TVP23C: variants seen among roughly 807,000 people sequenced by gnomAD.
TVP23C encodes the protein Golgi apparatus membrane protein TVP23 homolog C.
TVP23C carries 19 observed loss-of-function variants against 28.7 expected under a neutral mutation model. The ratio of observed to expected loss-of-function variants is 0.66; its 90% CI spans 0.46 to 0.97. The LOEUF (loss-of-function observed/expected upper bound fraction) is 0.97, where lower values mean the gene tolerates loss of function less well. Among genes scored for constraint, TVP23C ranks in the 50% least tolerant of loss-of-function variants. TVP23C has a pLI of 0.00. For synonymous variants in TVP23C, 68 were observed against 81.7 expected (o/e 0.83, Z 0.90); for missense variants, 186 against 241.3 (o/e 0.77, Z 1.52).
intron 5 of TVP23C, among the ~76,000 whole-genome samples, chr17:15,529,390 C>G (rs1196529532): frequency 6.6e-6 from 1 of 151,574 alleles, no homozygotes; most frequent in African/African-American, 2.4e-5. Context: ...AGCTGGGGGT[C>G]GCAGTGAGCC....
rs1238190906 is a variant in TVP23C at position 15,540,499 on chromosome 17, C to G, written c.525G>C (p.Lys175Asn). Residue 175 changes from lysine (K) to asparagine (N), a missense_variant, in exon 6 of 6, where the codon AAG becomes AAC. Around this residue, in one of 3 missense-constraint regions of TVP23C, gnomAD observed 74 missense variants for 96.0 expected, o/e 0.77. Coordinates refer to ENST00000518321, the MANE Select transcript of TVP23C (RefSeq NM_001135036.2). ...TGGTTAAATGCTTTCTGCTGCGCACCTTACACCTGATGTAACCATACAGGT... is the reference window on the plus strand; with the variant it reads ...TGGTTAAATGCTTTCTGCTGCGCACGTTACACCTGATGTAACCATACAGGT... ...GANLYGYIRCKVRSRKHLTSM... is the reference protein window; with the variant it reads ...GANLYGYIRCNVRSRKHLTSM... 1.6e-5 allele frequency: 26 copies of G among 1,612,756 alleles called. No individual in the cohort carries two copies. The highest frequency in any genetic ancestry group is 2.1e-5 in the Non-Finnish European group (25 of 1,179,642).
In TVP23C at chr17:15,538,526, T is replaced by A. The variant is rs977049241; in HGVS notation, c.*1886A>T. 2 of 856,120 alleles carry A rather than the reference T, an allele frequency of 2.3e-6. No individual in the cohort carries two copies. Among genetic ancestry groups the A allele is most frequent in the Admixed American group, 1.2e-4 (2 of 16,068 alleles). The allele number at this position is 856,120 out of a possible 1,614,324, so 53.0% of individuals were successfully genotyped here. ...AATAGTATGAACCCGGGAGGTGGAG[T>A]TTGCAGTGAGCCGAGATCGCGCCAC... On this transcript the variant is annotated 3_prime_UTR_variant, in exon 6 of 6. Transcript: ENST00000518321.
intron 5 of TVP23C, chr17:15,507,166 C>A: frequency 2.6e-6 from 2 of 762,388 alleles, no homozygotes; most frequent in Non-Finnish European, 4.7e-6. Context: ...ATGGCAAATG[C>A]AGGACCCGAT....
At chr17:15,561,214 A>G (rs1226332138) in intron 1 of TVP23C, among the ~76,000 whole-genome samples, 2 of 152,336 alleles carry the variant, frequency 1.3e-5, no homozygotes, top group South Asian at 2.1e-4. Flanking sequence ...ATAGTTGCCT[A>G]AGGCGAGAGG....
chr17:15,533,844 A>C (rs1005011631), downstream of TVP23C, among the ~76,000 whole-genome samples: 24 of 152,208 alleles, frequency 1.6e-4, no homozygotes, highest in African/African-American at 5.3e-4. Flanking sequence ...TGAAATTTTT[A>C]ATCTAGGAGG....
At chr17:15,513,355 T>A (rs1308691332) in intron 5 of TVP23C, among the ~76,000 whole-genome samples, 1 of 152,230 alleles carries the variant, frequency 6.6e-6, no homozygotes, top group African/African-American at 2.4e-5. Context: ...TAAACTAGGC[T>A]TTAAAAAACT....
intron 5 of TVP23C, 75 bp from the exon 6 acceptor site, chr17:15,540,636 G>A: frequency 8.3e-7 from 1 of 1,200,754 alleles, no homozygotes; most frequent in Non-Finnish European, 1.2e-6. Context: ...AATGAGACAA[G>A]GCAGACTGTC....
intron 5 of TVP23C, chr17:15,507,385 A>C: frequency 1.5e-6 from 1 of 652,456 alleles, no homozygotes; most frequent in Non-Finnish European, 2.8e-6. Context: ...TAACCACTGG[A>C]CCATTCCTTC....
At chr17:15,520,960 C>G (rs1421592380) in intron 5 of TVP23C, among the ~76,000 whole-genome samples, 1 of 150,996 alleles carries the variant, frequency 6.6e-6, no homozygotes, top group East Asian at 1.9e-4. Context: ...TAAAATACTA[C>G]TAATGATAGC....
intron 5 of TVP23C, among the ~76,000 whole-genome samples, chr17:15,504,532 A>G (rs1038018051): frequency 1.3e-5 from 2 of 152,080 alleles, no homozygotes; most frequent in African/African-American, 4.8e-5. Flanking sequence ...CAGCTGCAGT[A>G]GCATGAAGGA....
intron 5 of TVP23C, among the ~76,000 whole-genome samples, chr17:15,507,884 A>G (rs555265782): frequency 2.6e-5 from 4 of 152,290 alleles, no homozygotes; most frequent in African/African-American, 9.6e-5. Flanking sequence ...AAGAAAGTCT[A>G]TAGCCTCTTA....
chr17:15,545,745 A>T, intron 5 of TVP23C, 40 bp downstream of exon 5: 1 of 1,588,440 alleles, frequency 6.3e-7, no homozygotes, highest in Non-Finnish European at 8.6e-7. Context: ...ACCATCAGAC[A>T]TCTTAATGGA....
At chr17:15,529,230 T>A (rs931206020) in intron 5 of TVP23C, among the ~76,000 whole-genome samples, 4 of 152,192 alleles carry the variant, frequency 2.6e-5, no homozygotes, top group African/African-American at 9.6e-5. Context: ...GGGAGGCAGA[T>A]CACTTGAGGT....
intron 5 of TVP23C, among the ~76,000 whole-genome samples, chr17:15,522,226 G>C (rs1201195663): frequency 6.6e-6 from 1 of 152,164 alleles, no homozygotes; most frequent in African/African-American, 2.4e-5. Flanking sequence ...CTATATAGGA[G>C]AAAATCTTTA....
At chr17:15,559,189 T>C (rs1233349059) in intron 1 of TVP23C, among the ~76,000 whole-genome samples, 4 of 147,638 alleles carry the variant, frequency 2.7e-5, no homozygotes, top group Non-Finnish European at 4.5e-5. Context: ...TTTGCACTTA[T>C]GGTTCATATT....
intron 3 of TVP23C, among the ~76,000 whole-genome samples, chr17:15,550,979 C>T (rs1220672685): frequency 6.6e-6 from 1 of 152,176 alleles, no homozygotes; most frequent in Non-Finnish European, 1.5e-5. Flanking sequence ...TCACTTTATA[C>T]ATGTACTCTC....
chr17:15,509,346 G>T (rs1321405099), intron 5 of TVP23C, among the ~76,000 whole-genome samples: 1 of 152,216 alleles, frequency 6.6e-6, no homozygotes, highest in Admixed American at 6.5e-5. Flanking sequence ...GGACAGCCCA[G>T]GGGACAGGAT....
intron 3 of TVP23C, among the ~76,000 whole-genome samples, chr17:15,551,584 C>T (rs935539589): frequency 8.9e-4 from 136 of 152,256 alleles, no homozygotes; most frequent in African/African-American, 3.2e-3. Context: ...CTATCCAACC[C>T]TCTGCCCACA....
At chr17:15,521,350 A>T (rs1982468593) in intron 5 of TVP23C, among the ~76,000 whole-genome samples, 1 of 152,054 alleles carries the variant, frequency 6.6e-6, no homozygotes, top group Non-Finnish European at 1.5e-5. Context: ...AAATATACAA[A>T]AAAATTGGCC....
Sources: allele counts gnomAD v4.1 joint callset (sites outside exome capture counted in the v4.1 genomes callset), GRCh38; gene constraint gnomAD v4.1.1; regional missense constraint gnomAD v4.1.1; transcripts MANE v1.5; gene names NCBI Gene and HGNC (gene_info 2026-07-23, HGNC 2026-07-21).